SHE: variants seen among roughly 807,000 people sequenced by gnomAD.
SHE encodes SH2 domain-containing adapter protein E.
Under a neutral mutation model 49.8 loss-of-function variants are expected in SHE, and 11 were observed. The observed-to-expected ratio is 0.22, with a 90% confidence interval of 0.14 to 0.37. SHE has a LOEUF of 0.37. SHE is among the 10% of genes least tolerant of loss of function. SHE has a pLI of 1.00. For missense variants in SHE, 624 were observed against 655.5 expected (o/e 0.95, Z 0.52); for synonymous variants, 310 against 278.1 (o/e 1.11, Z -1.14).
In SHE at chr1:154,481,684, CTAAAAA is replaced by C. The variant is rs1305700067; in HGVS notation, c.*2459_*2464del. On this transcript the variant is annotated 3_prime_UTR_variant, in exon 6 of 6. Coordinates refer to ENST00000304760, the MANE Select transcript of SHE (RefSeq NM_001010846.3). ...AACGTTTCATTTCTAGAATGTTAAA[CTAAAAA>C]TAAGTTTAACACAATGAATAATTTG... 1.2e-5 allele frequency: 12 copies of C among 969,986 alleles called. No individual in the cohort carries two copies. The Admixed American group carries it at 3.1e-4, about 25-fold the overall frequency. 60.1% of individuals were successfully genotyped at this position (969,986 alleles called of 1,614,324 possible). A position where few individuals can be genotyped will look rare whatever the true frequency, so the allele number is the denominator to read the frequency against.
intron 2 of SHE, among the ~76,000 whole-genome samples, chr1:154,491,308 A>G (rs115306743): frequency 6.6e-6 from 1 of 152,042 alleles, no homozygotes; most frequent in Non-Finnish European, 1.5e-5. Flanking sequence ...CTTTCTCCCC[A>G]ATTTCTCAAC....
At chr1:154,493,072 A>G (rs1421092188) in intron 2 of SHE, among the ~76,000 whole-genome samples, 1 of 152,230 alleles carries the variant, frequency 6.6e-6, no homozygotes, top group East Asian at 1.9e-4. Flanking sequence ...TTGAGTTTTT[A>G]CTTTTGCAAC....
chr1:154,492,757 T>C (rs1014972974), intron 2 of SHE, among the ~76,000 whole-genome samples: 7 of 152,206 alleles, frequency 4.6e-5, no homozygotes, highest in African/African-American at 1.2e-4. Flanking sequence ...AGGATGAATA[T>C]AGAATACAAT....
In SHE at chr1:154,489,373, A is replaced by G. The variant is rs1692295293; in HGVS notation, c.719-17T>C. The G allele has an allele frequency of 6.2e-7, 1 of 1,607,836 alleles. No individual in the cohort carries two copies. Among genetic ancestry groups the G allele is most frequent in the African/African-American group, 1.3e-5 (1 of 74,444 alleles). On this transcript the variant is annotated splice_polypyrimidine_tract_variant and intron_variant, in intron 2 of 5. Transcript: ENST00000304760. The stretch of plus-strand genomic sequence containing the variant: ...GTCTAATTTCTGAAAAACACACACC[A>G]TTTCTGAAAAACACACACCATACAC...
Position 154,501,442 on chromosome 1 carries a change from T to C in SHE, c.585A>G (p.Gln195=). 2 of 1,614,112 alleles carry C rather than the reference T, an allele frequency of 1.2e-6. No homozygotes were observed. The highest frequency in any genetic ancestry group is 1.7e-6 in the Non-Finnish European group (2 of 1,179,982). The change falls in exon 1 of 6, where the codon CAA becomes CAG. Residue 195 remains glutamine, a synonymous_variant. Transcript: ENST00000304760. Reference sequence around the variant, plus strand: ...AGGGAGGCTGTATTCTTACCGTCTCTTGCTGCTTAATAATCTTGCCCTTGT... The same window carrying C: ...AGGGAGGCTGTATTCTTACCGTCTCCTGCTGCTTAATAATCTTGCCCTTGT... ...ELDKGKIIKQ[Q]ETVIILEDYA... is the part of the protein sequence containing the mutation.
At position 154,480,987 on chromosome 1, in the gene SHE, C is replaced by A. The variant is rs1692004101; in HGVS notation, c.*3162G>T. 1.0e-6 allele frequency: 1 copy of A among 985,242 alleles called. No individual in the cohort carries two copies. The highest frequency in any genetic ancestry group is 1.2e-6 in the Non-Finnish European group (1 of 829,936). 61.0% of individuals were successfully genotyped at this position (985,242 alleles called of 1,614,324 possible). ...GGATGCTAAATTCAAGGCAAATTCA[C>A]TGAAAGACATTCTTCTCACCAGAGA... On this transcript the variant is annotated 3_prime_UTR_variant, in exon 6 of 6. Coordinates refer to ENST00000304760, the MANE Select transcript of SHE (RefSeq NM_001010846.3).
At chr1:154,478,860 C>G (rs550754194), downstream of SHE, among the ~76,000 whole-genome samples, 10 of 152,314 alleles carry the variant, frequency 6.6e-5, no homozygotes, top group East Asian at 1.9e-3. Context: ...ACTTGTTCCA[C>G]CTGGTGGCAA....
rs1344044032 is a variant in SHE, at chr1:154,502,101, G to C, written c.-75C>G. The C allele has an allele frequency of 8.7e-7, 1 of 1,147,912 alleles. No individual in the cohort carries two copies. The highest frequency in any genetic ancestry group is 1.1e-6 in the Non-Finnish European group (1 of 917,198). 71.1% of individuals were successfully genotyped at this position (1,147,912 alleles called of 1,614,324 possible). ...CTCCGTGCGCCCCCGGCCGGCCGTCGCCCACGCCCGGCAGGGTGGGGTTCT... is the reference window on the plus strand; with the variant it reads ...CTCCGTGCGCCCCCGGCCGGCCGTCCCCCACGCCCGGCAGGGTGGGGTTCT... On this transcript the variant is annotated 5_prime_UTR_variant, in exon 1 of 6. Coordinates refer to ENST00000304760, the MANE Select transcript of SHE (RefSeq NM_001010846.3).
At position 154,481,098 on chromosome 1, in the gene SHE, T is replaced by C. The variant is rs1372476569; in HGVS notation, c.*3051A>G. The C allele has an allele frequency of 2.0e-6, 2 of 985,318 alleles. No homozygotes were observed. The highest frequency in any genetic ancestry group is 3.5e-5 in the African/African-American group (2 of 57,234). The allele number at this position is 985,318 out of a possible 1,614,324, so 61.0% of individuals were successfully genotyped here. Reference sequence around the variant, plus strand: ...GACAAAATGACAAAAAGCCAGAGCATTCAGAGCTCAGAGAACATGTCACAG... The same window carrying C: ...GACAAAATGACAAAAAGCCAGAGCACTCAGAGCTCAGAGAACATGTCACAG... On this transcript the variant is annotated 3_prime_UTR_variant, in exon 6 of 6. Transcript: ENST00000304760.
chr1:154,495,119 T>C (rs1692485395), intron 2 of SHE, among the ~76,000 whole-genome samples: 1 of 152,234 alleles, frequency 6.6e-6, no homozygotes. Flanking sequence ...TTGGCCAGGC[T>C]GGTACCTAGT....
At chr1:154,487,364 T>C (rs1221538651) in intron 3 of SHE, among the ~76,000 whole-genome samples, 1 of 151,454 alleles carries the variant, frequency 6.6e-6, no homozygotes, top group African/African-American at 2.4e-5. Context: ...TGCAAGAATG[T>C]GTATCATCCT....
chr1:154,489,176 C>A lies in SHE; in HGVS notation c.899G>T (p.Gly300Val), dbSNP rs749361092. 3 of 1,614,188 alleles carry A rather than the reference C, an allele frequency of 1.9e-6. No individual in the cohort carries two copies. The South Asian group carries it at 3.3e-5, about 18-fold the overall frequency. Residue 300 changes from glycine to valine, a missense_variant, in exon 3 of 6, where the codon GGG becomes GTG. Around this residue, in one of 4 missense-constraint regions of SHE, gnomAD observed 155 missense variants for 142.0 expected, o/e 1.09. Transcript: ENST00000304760. ...YDTPYEPAEGGPRAEGKARPP... is the reference protein window; with the variant it reads ...YDTPYEPAEGVPRAEGKARPP... Reference sequence around the variant, plus strand: ...CCGCGCCTTCCCCTCTGCCCTGGGCCCCCCTTCTGCAGGCTCGTAGGGAGT... The same window carrying A: ...CCGCGCCTTCCCCTCTGCCCTGGGCACCCCTTCTGCAGGCTCGTAGGGAGT...
At position 154,482,743 on chromosome 1, in the gene SHE, G is replaced by T. The variant is rs916703060; in HGVS notation, c.*1406C>A. On this transcript the variant is annotated 3_prime_UTR_variant, in exon 6 of 6. Transcript: ENST00000304760. ...ATATAAGCTCATGATAAATCATAAA[G>T]ATCCTAATACTATGAATCTTAAGTA... 10 of 985,186 alleles carry T rather than the reference G, an allele frequency of 1.0e-5. No individual in the cohort carries two copies. The African/African-American group carries it at 1.4e-4, about 14-fold the overall frequency. The allele number at this position is 985,186 out of a possible 1,614,324, so 61.0% of individuals were successfully genotyped here. A position where few individuals can be genotyped will look rare whatever the true frequency, so the allele number is the denominator to read the frequency against.
At chr1:154,495,055 AAAAC>A (rs1404302476) in intron 2 of SHE, among the ~76,000 whole-genome samples, 5 of 152,252 alleles carry the variant, frequency 3.3e-5, no homozygotes, top group East Asian at 3.8e-4. Flanking sequence ...CCGTCTCAAA[AAAAC>A]AAACAAACAA....
chr1:154,501,949 C>A lies in SHE; in HGVS notation c.78G>T (p.Thr26=). 1 of 1,447,686 alleles carries A rather than the reference C, an allele frequency of 6.9e-7. No individual in the cohort carries two copies. Among genetic ancestry groups the A allele is most frequent in the Non-Finnish European group, 9.0e-7 (1 of 1,110,778 alleles). 89.7% of individuals were successfully genotyped at this position (1,447,686 alleles called of 1,614,324 possible). A position where few individuals can be genotyped will look rare whatever the true frequency, so the allele number is the denominator to read the frequency against. The change falls in exon 1 of 6, where the codon ACG becomes ACT. Residue 26 remains threonine, a synonymous_variant. Transcript: ENST00000304760. ...GGCCCCGGCCGGCTCGGCCCAGGAG[C>A]GTCGGGGCCGTGGAGCAGGCGAGCG... ...ASSLACSTAP[T]LLGRAGRGPL... is the part of the protein sequence containing the mutation.
rs1034158592 is a variant in SHE at position 154,481,912 on chromosome 1, C to T, written c.*2237G>A. The T allele has an allele frequency of 5.4e-5, 30 of 558,118 alleles. No homozygotes were observed. The highest frequency in any genetic ancestry group is 6.1e-5 in the Non-Finnish European group (27 of 440,204). The allele number at this position is 558,118 out of a possible 1,614,324, so 34.6% of individuals were successfully genotyped here. A position where few individuals can be genotyped will look rare whatever the true frequency, so the allele number is the denominator to read the frequency against. On this transcript the variant is annotated 3_prime_UTR_variant, in exon 6 of 6. Coordinates refer to ENST00000304760, the MANE Select transcript of SHE (RefSeq NM_001010846.3). ...TCACTCAGGCTGGAGTGCAATGGTGCGATCATGGCTCGCTGCAGCCTTGAC... is the reference window on the plus strand; with the variant it reads ...TCACTCAGGCTGGAGTGCAATGGTGTGATCATGGCTCGCTGCAGCCTTGAC...
intron 3 of SHE, among the ~76,000 whole-genome samples, chr1:154,487,900 A>C (rs1242085331): frequency 1.3e-5 from 2 of 151,254 alleles, no homozygotes; most frequent in African/African-American, 2.4e-5. Context: ...CTTGCCATCA[A>C]ATATATTACC....
At position 154,489,179 on chromosome 1, in the gene SHE, C is replaced by A. The variant is rs776441697; in HGVS notation, c.896G>T (p.Gly299Val). 6.2e-6 allele frequency: 10 copies of A among 1,614,080 alleles called. No individual in the cohort carries two copies. The highest frequency in any genetic ancestry group is 2.2e-5 in the East Asian group (1 of 44,888). The change falls in exon 3 of 6, where the codon GGG becomes GTG. Residue 299 changes from glycine (G) to valine (V), a missense_variant. Transcript: ENST00000304760. ...LYDTPYEPAE[G>V]GPRAEGKARP... ...CGCCTTCCCCTCTGCCCTGGGCCCC[C>A]CTTCTGCAGGCTCGTAGGGAGTGTC...
rs192922401 is a variant in SHE, at chr1:154,500,042, C to T, written c.592-804G>A. On this transcript the variant is annotated intron_variant, in intron 1 of 5. Coordinates refer to ENST00000304760, the MANE Select transcript of SHE (RefSeq NM_001010846.3). ...TGCTCCACAACCTCTGTTACATTCT[C>T]CAAAGAGTTTAGAAGTAACACTGGA... 2.2e-3 allele frequency among the ~76,000 whole-genome samples: 320 copies of T among 143,700 alleles called. 3 individuals carry two copies. The highest frequency in any genetic ancestry group is 8.1e-3 in the African/African-American group (305 of 37,496). 94.3% of individuals were successfully genotyped at this position (143,700 alleles called of 152,430 possible). A position where few individuals can be genotyped will look rare whatever the true frequency, so the allele number is the denominator to read the frequency against.
Sources: allele counts gnomAD v4.1 joint callset (sites outside exome capture counted in the v4.1 genomes callset), GRCh38; gene constraint gnomAD v4.1.1; regional missense constraint gnomAD v4.1.1; transcripts MANE v1.5; gene names NCBI Gene and HGNC (gene_info 2026-07-23, HGNC 2026-07-21).